PIM3: variants seen among roughly 807,000 people sequenced by gnomAD.
The protein encoded by PIM3 is Pim-3 proto-oncogene, serine/threonine kinase, also known as serine/threonine-protein kinase pim-3.
A neutral mutation model predicts 27.5 loss-of-function variants in PIM3; 13 were observed. The observed-to-expected ratio is 0.47, with a 90% CI of 0.31 to 0.75. PIM3 has a LOEUF of 0.75. Among genes scored for constraint, PIM3 ranks in the 30% least tolerant of loss-of-function variants. The probability of loss-of-function intolerance (pLI) is 0.05; values close to 1 mark genes in which losing one functional copy is unlikely to be tolerated. For synonymous variants in PIM3, 341 were observed against 221.1 expected (o/e 1.54, Z -4.81); for missense variants, 482 against 476.9 (o/e 1.01, Z -0.10).
In PIM3 at chr22:49,963,088, T is replaced by A. The variant is rs944107500; in HGVS notation, c.942T>A (p.Asp314Glu). ...CDLRLCTLDP[D>E]DVASTTSSSE... Reference sequence around the variant, plus strand: ...TGCGGCTGTGCACCCTCGACCCTGATGACGTGGCCAGCACCACGTCCAGCA... The same window carrying A: ...TGCGGCTGTGCACCCTCGACCCTGAAGACGTGGCCAGCACCACGTCCAGCA... The change falls in exon 6 of 6, where the codon GAT becomes GAA. Residue 314 changes from aspartate to glutamate, a missense_variant. Asp to Glu is a conservative substitution (Grantham distance 45, BLOSUM62 2). Coordinates refer to ENST00000360612, the MANE Select transcript of PIM3 (RefSeq NM_001001852.4). 4.3e-6 allele frequency: 7 copies of A among 1,610,786 alleles called. No individual in the cohort carries two copies. In the African/African-American group the frequency reaches 6.7e-5, roughly 15 times the overall value.
chr22:49,962,627 C>G (rs1000467771), intron 4 of PIM3, 62 bp from the exon 5 acceptor site: 45 of 1,530,468 alleles, frequency 2.9e-5, no homozygotes, highest in Non-Finnish European at 3.8e-5. Context: ...CAGCAGGGAC[C>G]TCGCCGTCTG....
rs1169538887 is a variant in PIM3, at chr22:49,961,684, C to T, written c.489C>T (p.Ser163=). 8 of 1,598,184 alleles carry T rather than the reference C, an allele frequency of 5.0e-6. No homozygotes were observed. The Admixed American group carries it at 8.7e-5, about 17-fold the overall frequency. The change falls in exon 4 of 6, where the codon AGC becomes AGT. Residue 163 remains serine (S), a synonymous_variant. Coordinates refer to ENST00000360612, the MANE Select transcript of PIM3 (RefSeq NM_001001852.4). The stretch of plus-strand genomic sequence containing the variant: ...TGGCCGCCGTGCGCCACTGCCACAG[C>T]TGCGGGGTCGTGCACCGCGACATTA... ...QVLAAVRHCH[S]CGVVHRDIKD...
In PIM3 at chr22:49,960,795, G is replaced by C. The variant is rs2060901525; in HGVS notation, c.-153G>C. On this transcript the variant is annotated 5_prime_UTR_variant, in exon 1 of 6. Transcript: ENST00000360612. ...GCGGGTGAGGCGCTCCGCCTGCTGC[G>C]CGTCTACGCGGTCCCCGCGGGCCTT... The C allele has an allele frequency of 3.3e-6, 1 of 305,752 alleles. No homozygotes were observed. The highest frequency in any genetic ancestry group is 2.3e-5 in the African/African-American group (1 of 43,880). The allele number at this position is 305,752 out of a possible 1,614,324, so 18.9% of individuals were successfully genotyped here.
chr22:49,961,553 C>G lies in PIM3; in HGVS notation c.358C>G (p.Leu120Val). Reference sequence around the variant, plus strand: ...CTGGTTCGAGCGGCCCGACGGCTTCCTGCTGGTGCTGGAGCGGCCCGAGCC... The same window carrying G: ...CTGGTTCGAGCGGCCCGACGGCTTCGTGCTGGTGCTGGAGCGGCCCGAGCC... ...LDWFERPDGFLLVLERPEPAQ... is the reference protein window; with the variant it reads ...LDWFERPDGFVLVLERPEPAQ... Residue 120 changes from leucine (L) to valine (V), a missense_variant, in exon 4 of 6, where the codon CTG (leucine) becomes GTG (valine). Coordinates refer to ENST00000360612, the MANE Select transcript of PIM3 (RefSeq NM_001001852.4). The G allele has an allele frequency of 6.5e-7, 1 of 1,545,454 alleles. No individual in the cohort carries two copies. Among genetic ancestry groups the G allele is most frequent in the Non-Finnish European group, 8.7e-7 (1 of 1,145,938 alleles).
Position 49,962,929 on chromosome 22 carries a change from G to T in PIM3, c.794-11G>T, listed in dbSNP as rs762412577. The stretch of plus-strand genomic sequence containing the variant: ...TGCTTGGGCCCTCCCTGACCTCTCC[G>T]CTCCGCACAGAGTGCCAGCAGCTGA... On this transcript the variant is annotated splice_polypyrimidine_tract_variant and intron_variant, in intron 5 of 5. Transcript: ENST00000360612. The T allele has an allele frequency of 4.4e-6, 7 of 1,600,836 alleles. No homozygotes were observed. The highest frequency in any genetic ancestry group is 2.2e-5 in the South Asian group (2 of 90,268).
rs149796855 is a variant in PIM3 at position 49,962,607 on chromosome 22, G to C, written c.617-82G>C. ...GCTCTGCTTCCTGTTACTGAGGCCA[G>C]GGAGTTAACCAGCAGGGACCTCGCC... On this transcript the variant is annotated intron_variant, in intron 4 of 5. Transcript: ENST00000360612. 2.8e-6 allele frequency: 4 copies of C among 1,452,192 alleles called. No individual in the cohort carries two copies. In the African/African-American group the frequency reaches 5.7e-5, roughly 21 times the overall value. 90.0% of individuals were successfully genotyped at this position (1,452,192 alleles called of 1,614,324 possible).
chr22:49,960,965 C>A lies in PIM3; in HGVS notation c.18C>A (p.Phe6Leu). The A allele has an allele frequency of 7.2e-7, 1 of 1,381,410 alleles. No individual in the cohort carries two copies. The highest frequency in any genetic ancestry group is 1.5e-5 in the South Asian group (1 of 68,520). The allele number at this position is 1,381,410 out of a possible 1,614,324, so 85.6% of individuals were successfully genotyped here. A position where few individuals can be genotyped will look rare whatever the true frequency, so the allele number is the denominator to read the frequency against. The stretch of plus-strand genomic sequence containing the variant: ...CGCCCGCGATGCTGCTCTCCAAGTT[C>A]GGCTCCCTGGCGCACCTCTGCGGGC... MLLSK[F>L]GSLAHLCGPG... The change falls in exon 1 of 6, where the codon TTC becomes TTA. Residue 6 changes from phenylalanine (F) to leucine (L), a missense_variant. Physicochemically the swap from Phe to Leu is conservative, Grantham distance 22. Transcript: ENST00000360612.
At chr22:49,962,494 C>T (rs904872538) in intron 4 of PIM3, among the ~76,000 whole-genome samples, 195 bp from the exon 5 acceptor site, 1 of 151,844 alleles carries the variant, frequency 6.6e-6, no homozygotes, top group Non-Finnish European at 1.5e-5. Context: ...CCGCGGCCGG[C>T]GGAGGGGGAC....
rs773438746 is a variant in PIM3, at chr22:49,961,249, C to T, written c.195+15C>T. On this transcript the variant is annotated intron_variant, in intron 2 of 5. Transcript: ENST00000360612. ...ACGGGCTCCCGGTGAGTCGGACCGC[C>T]GGGCGGGCCCGGGTTTCTCGCGCGC... 1.3e-6 allele frequency: 2 copies of T among 1,533,180 alleles called. No individual in the cohort carries two copies. Among genetic ancestry groups the T allele is most frequent in the Non-Finnish European group, 1.7e-6 (2 of 1,144,446 alleles). The allele number at this position is 1,533,180 out of a possible 1,614,324, so 95.0% of individuals were successfully genotyped here.
At chr22:49,962,571 T>A in intron 4 of PIM3, 118 bp from the exon 5 acceptor site, 5 of 1,191,558 alleles carry the variant, frequency 4.2e-6, no homozygotes, top group Admixed American at 5.3e-5. Context: ...CGAGCAGGAT[T>A]TTGAGGCCTG....
chr22:49,963,445 C>T lies in PIM3; in HGVS notation c.*318C>T, dbSNP rs1046309162. On this transcript the variant is annotated 3_prime_UTR_variant, in exon 6 of 6. Transcript: ENST00000360612. ...CCTGCCCACCCGGAGCTCTTTCCGC[C>T]GGCGCAGGGTCCCAAGCCCACCTCC... 6.0e-5 allele frequency: 17 copies of T among 282,052 alleles called. No homozygotes were observed. Among genetic ancestry groups the T allele is most frequent in the African/African-American group, 3.3e-4 (15 of 44,986 alleles). 17.5% of individuals were successfully genotyped at this position (282,052 alleles called of 1,614,324 possible).
At chr22:49,962,351 C>T (rs1041634497) in intron 4 of PIM3, among the ~76,000 whole-genome samples, 1 of 149,338 alleles carries the variant, frequency 6.7e-6, no homozygotes, top group South Asian at 2.1e-4. Context: ...CCCTCTCTCC[C>T]CTCCCCCCGT....
rs2060914936 is a variant in PIM3, at chr22:49,962,671, A to G, written c.617-18A>G. ...CTCTGCCTCTGTGGTGGGCGTGCTAAGCCCTGTGTCCCCTTAGGCACCCGA... is the reference window on the plus strand; with the variant it reads ...CTCTGCCTCTGTGGTGGGCGTGCTAGGCCCTGTGTCCCCTTAGGCACCCGA... On this transcript the variant is annotated intron_variant, in intron 4 of 5. Coordinates refer to ENST00000360612, the MANE Select transcript of PIM3 (RefSeq NM_001001852.4). 1 of 1,602,026 alleles carries G rather than the reference A, an allele frequency of 6.2e-7. No homozygotes were observed. The highest frequency in any genetic ancestry group is 1.1e-5 in the South Asian group (1 of 89,892).
At chr22:49,961,936 G>C in intron 4 of PIM3, 125 bp downstream of exon 4, 4 of 1,391,286 alleles carry the variant, frequency 2.9e-6, no homozygotes, top group Non-Finnish European at 3.9e-6. Flanking sequence ...TGCTCTCGTG[G>C]GGAGCAGAGG....
chr22:49,961,231 C>G lies in PIM3; in HGVS notation c.192C>G (p.Leu64=), dbSNP rs768882289. The G allele has an allele frequency of 1.5e-5, 23 of 1,534,816 alleles. No homozygotes were observed. The East Asian group carries it at 5.7e-4, about 38-fold the overall frequency. Residue 64 remains leucine, a synonymous_variant, in exon 2 of 6, where the codon CTC becomes CTG. Coordinates refer to ENST00000360612, the MANE Select transcript of PIM3 (RefSeq NM_001001852.4). ...VYAGSRIADG[L]PVAVKHVVKE... is the part of the protein sequence containing the mutation. Reference sequence around the variant, plus strand: ...CGGGTAGCCGCATCGCCGACGGGCTCCCGGTGAGTCGGACCGCCGGGCGGG... The same window carrying G: ...CGGGTAGCCGCATCGCCGACGGGCTGCCGGTGAGTCGGACCGCCGGGCGGG...
chr22:49,961,817 C>G lies in PIM3; in HGVS notation c.616+6C>G, dbSNP rs1044369937. The G allele has an allele frequency of 6.2e-6, 10 of 1,606,310 alleles. No individual in the cohort carries two copies. In the Admixed American group the frequency reaches 1.3e-4, roughly 22 times the overall value. ...GGTCTACACCGACTTCGACGGTGAGCGCGGGCGCGGGGCAGGGAACGTTCC... is the reference window on the plus strand; with the variant it reads ...GGTCTACACCGACTTCGACGGTGAGGGCGGGCGCGGGGCAGGGAACGTTCC... On this transcript the variant is annotated splice_donor_region_variant and intron_variant, in intron 4 of 5. Coordinates refer to ENST00000360612, the MANE Select transcript of PIM3 (RefSeq NM_001001852.4).
In PIM3 at chr22:49,963,027, T is replaced by A. The variant is rs1024694943; in HGVS notation, c.881T>A (p.Leu294Gln). 1.9e-6 allele frequency: 3 copies of A among 1,612,006 alleles called. No individual in the cohort carries two copies. Among genetic ancestry groups the A allele is most frequent in the Non-Finnish European group, 2.5e-6 (3 of 1,179,756 alleles). Residue 294 changes from leucine to glutamine, a missense_variant, in exon 6 of 6, where the codon CTG becomes CAG. Coordinates refer to ENST00000360612, the MANE Select transcript of PIM3 (RefSeq NM_001001852.4). ...LDQIAAHPWM[L>Q]GADGGVPESC... ...CAGATTGCGGCCCATCCCTGGATGC[T>A]GGGGGCTGACGGGGGCGTCCCGGAG...
rs2060915145 is a variant in PIM3 at position 49,962,694 on chromosome 22, C to T, written c.622C>T (p.Arg208Ter). ...DTVYTDFDGT[R>*]VYSPPEWIRY... Reference sequence around the variant, plus strand: ...TAAGCCCTGTGTCCCCTTAGGCACCCGAGTGTACAGCCCCCCGGAGTGGAT... The same window carrying T: ...TAAGCCCTGTGTCCCCTTAGGCACCTGAGTGTACAGCCCCCCGGAGTGGAT... Residue 208 changes from arginine (R) to a stop codon, truncating the protein, a stop_gained, in exon 5 of 6, where the codon CGA becomes TGA. Transcript: ENST00000360612. LOFTEE classifies it high-confidence loss of function. 2 of 1,609,768 alleles carry T rather than the reference C, an allele frequency of 1.2e-6. No homozygotes were observed. Among genetic ancestry groups the T allele is most frequent in the Non-Finnish European group, 1.7e-6 (2 of 1,178,626 alleles).
At position 49,962,976 on chromosome 22, in the gene PIM3, G is replaced by C. The variant is rs770713831; in HGVS notation, c.830G>C (p.Arg277Pro). 1 of 1,609,574 alleles carries C rather than the reference G, an allele frequency of 6.2e-7. No individual in the cohort carries two copies. Residue 277 changes from arginine to proline, a missense_variant, in exon 6 of 6, where the codon CGG (arginine) becomes CCG (proline). By Grantham distance (103) the Arg-to-Pro change is moderately radical (BLOSUM62 -2). Coordinates refer to ENST00000360612, the MANE Select transcript of PIM3 (RefSeq NM_001001852.4). The stretch of plus-strand genomic sequence containing the variant: ...CTGATCCGGTGGTGCCTGTCCCTGC[G>C]GCCCTCAGAGCGGCCGTCGCTGGAT... Reference protein sequence around the residue: ...QQLIRWCLSLRPSERPSLDQI... With the variant: ...QQLIRWCLSLPPSERPSLDQI...
Sources: allele counts gnomAD v4.1 joint callset (sites outside exome capture counted in the v4.1 genomes callset), GRCh38; gene constraint gnomAD v4.1.1; transcripts MANE v1.5; gene names NCBI Gene and HGNC (gene_info 2026-07-23, HGNC 2026-07-21).